The following RASGRF1 variants were observed in gnomAD, a reference collection of about 807,000 sequenced individuals.
RASGRF1 encodes Ras protein specific guanine nucleotide releasing factor 1, also known as ras-specific guanine nucleotide-releasing factor 1.
A neutral mutation model predicts 138.7 loss-of-function variants in RASGRF1; 40 were observed. The observed-to-expected ratio is 0.29, with a 90% confidence interval of 0.22 to 0.38. RASGRF1 has a LOEUF of 0.38. Among genes scored for constraint, RASGRF1 ranks in the 10% least tolerant of loss-of-function variants. The pLI is 1.00. For missense variants in RASGRF1, 1,108 were observed against 1,650.4 expected, an observed-to-expected ratio of 0.67 and a Z score of 5.69; for synonymous variants, 614 against 663.2, an observed-to-expected ratio of 0.93 and a Z score of 1.14.
chr15:79,000,179 G>A (rs11072823), intron 16 of RASGRF1, among the ~76,000 whole-genome samples: 64,338 of 152,118 alleles, frequency 0.42, 16,402 homozygotes, highest in East Asian at 0.72. Flanking sequence ...CAGTCACCCC[G>A]TCCATCTTTC....
chr15:78,980,439 T>A (rs2055998245), intron 24 of RASGRF1, 181 bp downstream of exon 24: 1 of 466,962 alleles, frequency 2.1e-6, no homozygotes, highest in African/African-American at 1.9e-5. Context: ...CTCTGGAGTT[T>A]CTCTGGCAGA....
At chr15:78,980,533 T>G (rs2056000761) in intron 24 of RASGRF1, 87 bp downstream of exon 24, 1 of 1,072,590 alleles carries the variant, frequency 9.3e-7, no homozygotes, top group Non-Finnish European at 1.4e-6. Context: ...AAAGACCTCC[T>G]GCTCTGGCTG....
intron 3 of RASGRF1, among the ~76,000 whole-genome samples, chr15:79,051,883 A>G (rs1011355247): frequency 6.6e-6 from 1 of 152,186 alleles, no homozygotes; most frequent in Non-Finnish European, 1.5e-5. Context: ...CTAGGAGCCA[A>G]TATCGGGATG....
In RASGRF1 at chr15:79,090,589, G is replaced by GCGCT. The variant is rs1326151566; in HGVS notation, c.-95_-92dup. On this transcript the variant is annotated 5_prime_UTR_variant, in exon 1 of 27. Coordinates refer to ENST00000558480, the MANE Select transcript of RASGRF1 (RefSeq NM_001145648.3). ...GCGCGCTGCGCGCTGCCTCTCTCTG[G>GCGCT]CGCTCGCTCGCTCGCTCCCTCTAGC... The GCGCT allele has an allele frequency of 5.2e-6, 8 of 1,538,912 alleles. No individual in the cohort carries two copies. Among genetic ancestry groups the GCGCT allele is most frequent in the African/African-American group, 4.1e-5 (3 of 73,636 alleles).
chr15:78,996,014 C>T (rs2056384384), intron 19 of RASGRF1, among the ~76,000 whole-genome samples: 1 of 152,196 alleles, frequency 6.6e-6, no homozygotes, highest in South Asian at 2.1e-4. Flanking sequence ...CCCTCTCAGC[C>T]CCTGGGCTTC....
Position 79,032,963 on chromosome 15 carries a change from C to T in RASGRF1, c.959-647G>A, listed in dbSNP as rs1363536425. Among the ~76,000 whole-genome samples the T allele has an allele frequency of 2.0e-5, 3 of 152,206 alleles. No individual in the cohort carries two copies. The highest frequency in any genetic ancestry group is 4.4e-5 in the Non-Finnish European group (3 of 68,028). ...GGTCACAGGGCAAGTCAGCAGCCGG[C>T]CTGGGGCTGGGTCTCCTGACCTCCT... On this transcript the variant is annotated intron_variant, in intron 6 of 26. Coordinates refer to ENST00000558480, the MANE Select transcript of RASGRF1 (RefSeq NM_001145648.3). The surrounding 1 kb of genome is among the most constrained non-coding windows in gnomAD (Gnocchi z 4.5).
intron 13 of RASGRF1, chr15:79,012,631 TTTG>T: frequency 1.3e-6 from 2 of 1,507,530 alleles, no homozygotes; most frequent in Non-Finnish European, 9.0e-7. Flanking sequence ...TATTCAAAAT[TTTG>T]TTATTTTTTT....
chr15:78,978,228 T>G (rs28678930), intron 24 of RASGRF1, among the ~76,000 whole-genome samples: 1 of 33,370 alleles, frequency 3.0e-5, no homozygotes, highest in Non-Finnish European at 1.3e-4. Flanking sequence ...TTGTTTTTTT[T>G]TTTTTTTTTT....
chr15:79,027,790 G>C lies in RASGRF1; in HGVS notation c.1332C>G (p.Ile444Met). ...TGTCCAGGAGGATCTCACAGCCTTC[G>C]ATGATCATGCGCTCGATGGCCAGGT... Reference protein sequence around the residue: ...RKNLAIERMIIEGCEILLDTS... With the variant: ...RKNLAIERMIMEGCEILLDTS... Residue 444 changes from isoleucine to methionine, a missense_variant, in exon 9 of 27, where the codon ATC becomes ATG. Ile to Met is a conservative substitution (Grantham distance 10, BLOSUM62 1). Around this residue, in one of 3 missense-constraint regions of RASGRF1, gnomAD observed 169 missense variants for 344.2 expected, o/e 0.49. Coordinates refer to ENST00000558480, the MANE Select transcript of RASGRF1 (RefSeq NM_001145648.3). The surrounding 1 kb of genome is among the most constrained non-coding windows in gnomAD (Gnocchi z 4.8). The C allele has an allele frequency of 6.2e-7, 1 of 1,614,228 alleles. No individual in the cohort carries two copies. The highest frequency in any genetic ancestry group is 8.5e-7 in the Non-Finnish European group (1 of 1,180,046).
chr15:78,998,656 C>A (rs2056448011), intron 18 of RASGRF1, 63 bp downstream of exon 18: 4 of 1,395,656 alleles, frequency 2.9e-6, no homozygotes, highest in Non-Finnish European at 4.1e-6. Flanking sequence ...TGGAAGGCAG[C>A]TGGTTCCTGG....
intron 3 of RASGRF1, among the ~76,000 whole-genome samples, chr15:79,055,140 C>T (rs181035217): frequency 1.6e-3 from 240 of 152,276 alleles, no homozygotes; most frequent in Non-Finnish European, 2.6e-3. Flanking sequence ...TTGGGTAAGT[C>T]GCTTCCTCCC....
intron 13 of RASGRF1, among the ~76,000 whole-genome samples, chr15:79,014,428 T>C (rs1567519825): frequency 6.6e-6 from 1 of 152,240 alleles, no homozygotes; most frequent in Non-Finnish European, 1.5e-5. Flanking sequence ...AATGAATTAA[T>C]GGCATTCACA....
At chr15:79,042,419 G>A (rs986269594) in intron 5 of RASGRF1, among the ~76,000 whole-genome samples, 1 of 152,238 alleles carries the variant, frequency 6.6e-6, no homozygotes, top group African/African-American at 2.4e-5. Context: ...GGAGAGCAGT[G>A]AGGTTCACAT....
chr15:79,039,157 C>T (rs1325144880), intron 5 of RASGRF1, among the ~76,000 whole-genome samples: 1 of 151,644 alleles, frequency 6.6e-6, no homozygotes, highest in Admixed American at 6.6e-5. Context: ...AAAAATTAGC[C>T]AGGAATGGTG....
At chr15:78,991,364 C>T (rs915557055) in intron 21 of RASGRF1, among the ~76,000 whole-genome samples, 8 of 152,236 alleles carry the variant, frequency 5.3e-5, no homozygotes, top group African/African-American at 1.2e-4. Context: ...CACGTGCCCA[C>T]GCTCTTGCCT....
At chr15:79,044,327 C>T (rs993637910) in intron 5 of RASGRF1, among the ~76,000 whole-genome samples, 1 of 152,252 alleles carries the variant, frequency 6.6e-6, no homozygotes, top group African/African-American at 2.4e-5. Flanking sequence ...TAAACTCTCT[C>T]ATGTCCTTAA....
intron 2 of RASGRF1, among the ~76,000 whole-genome samples, chr15:79,064,150 C>T (rs1461843824): frequency 5.3e-5 from 8 of 152,210 alleles, no homozygotes; most frequent in South Asian, 4.1e-4. Flanking sequence ...CAAACCAAAT[C>T]ATACTTGGTT....
At chr15:79,025,645 T>A (rs1212396418) in intron 9 of RASGRF1, among the ~76,000 whole-genome samples, 171 bp from the exon 10 acceptor site, 1 of 152,160 alleles carries the variant, frequency 6.6e-6, no homozygotes, top group Middle Eastern at 3.2e-3. Flanking sequence ...CAGGGCCAGA[T>A]GGCTGAGGGA....
chr15:79,070,487 G>A (rs2141076641), intron 1 of RASGRF1, among the ~76,000 whole-genome samples: 1 of 152,348 alleles, frequency 6.6e-6, no homozygotes, highest in South Asian at 2.1e-4. Flanking sequence ...AGCAGGTGGA[G>A]GTTCATATTC....
Sources: gnomAD v4.1 joint callset for allele counts (sites outside exome capture counted in the v4.1 genomes callset) on GRCh38, gnomAD v4.1.1 for gene constraint, gnomAD v4.1.1 regional missense constraint, Gnocchi (gnomAD v3.1) non-coding constraint, MANE v1.5 for transcripts, NCBI Gene and HGNC (gene_info 2026-07-23, HGNC 2026-07-21) for gene names.